Variants in ALG12 observed in about 807,000 individuals in gnomAD.
ALG12 encodes ALG12 alpha-1,6-mannosyltransferase, also known as dol-P-Man:Man(7)GlcNAc(2)-PP-Dol alpha-1,6-mannosyltransferase.
Under a neutral mutation model 46.0 loss-of-function variants are expected in ALG12, and 36 were observed. That is an observed-to-expected ratio of 0.78 (90% CI 0.60 to 1.03). The LOEUF is 1.03. ALG12 is among the 50% of genes least tolerant of loss of function. ALG12 has a pLI of 0.00. For synonymous variants in ALG12, 326 were observed against 291.6 expected (o/e 1.12, Z -1.20); for missense variants, 599 against 633.5 (o/e 0.95, Z 0.58).
chr22:49,900,869 C>G lies in ALG12; in HGVS notation c.*2969G>C, dbSNP rs2060501550. On this transcript the variant is annotated 3_prime_UTR_variant, in exon 10 of 10. Transcript: ENST00000330817. ...TCCCTAGCCTGTCCACAGAAAGGGC[C>G]TAAAGCTCAGGCACCCCGTGGCATC... 1 of 152,318 alleles carries G rather than the reference C, an allele frequency of 6.6e-6. No individual in the cohort carries two copies. Among genetic ancestry groups the G allele is most frequent in the South Asian group, 2.1e-4 (1 of 4,826 alleles). The allele number at this position is 152,318 out of a possible 1,614,324, so 9.4% of individuals were successfully genotyped here.
chr22:49,871,456 C>G, the ALG12 span, among the ~76,000 whole-genome samples: 1 of 151,984 alleles, frequency 6.6e-6, no homozygotes, highest in South Asian at 2.1e-4. Context: ...GCACTCCAGC[C>G]TGGGCGACAG....
chr22:49,893,757 A>C, the ALG12 span, among the ~76,000 whole-genome samples: 4 of 152,202 alleles, frequency 2.6e-5, no homozygotes, highest in African/African-American at 7.2e-5. Context: ...GCCTAAAACT[A>C]TCTCTTAGAG....
intron 5 of ALG12, among the ~76,000 whole-genome samples, chr22:49,909,624 G>A (rs1031483601): frequency 4.6e-5 from 7 of 152,148 alleles, no homozygotes; most frequent in East Asian, 1.9e-4. Context: ...CAGAACCACC[G>A]CCTGGCGCAG....
the ALG12 span, among the ~76,000 whole-genome samples, chr22:49,872,419 C>G: frequency 6.6e-6 from 1 of 152,346 alleles, no homozygotes; most frequent in South Asian, 2.1e-4. Context: ...GTCACTTCCT[C>G]CATTGAAGTC....
At chr22:49,885,961 T>C in the ALG12 span, 2 of 721,816 alleles carry the variant, frequency 2.8e-6, no homozygotes, top group Non-Finnish European at 5.0e-6. Flanking sequence ...CCACCACTGC[T>C]CGGCGCTGTT....
the ALG12 span, among the ~76,000 whole-genome samples, chr22:49,878,203 G>A: frequency 6.6e-6 from 1 of 151,810 alleles, no homozygotes; most frequent in Non-Finnish European, 1.5e-5. Flanking sequence ...TACTCAGGAG[G>A]CTGAGGCAGG....
At chr22:49,885,091 T>C in the ALG12 span, 1 of 1,613,666 alleles carries the variant, frequency 6.2e-7, no homozygotes, top group South Asian at 1.1e-5. Flanking sequence ...CAAGGCCGAG[T>C]GTCGGTACTG....
chr22:49,910,234 G>T lies in ALG12; in HGVS notation c.470-146C>A, dbSNP rs900311000. The T allele has an allele frequency of 4.2e-6, 5 of 1,188,440 alleles. No homozygotes were observed. The African/African-American group carries it at 4.6e-5, about 11-fold the overall frequency. 73.6% of individuals were successfully genotyped at this position (1,188,440 alleles called of 1,614,324 possible). A position where few individuals can be genotyped will look rare whatever the true frequency, so the allele number is the denominator to read the frequency against. ...AAGAAACTGCTCAGAGCCGCTCCCCGCACCTATGCTGTTGGCCAGGAAGTG... is the reference window on the plus strand; with the variant it reads ...AAGAAACTGCTCAGAGCCGCTCCCCTCACCTATGCTGTTGGCCAGGAAGTG... On this transcript the variant is annotated intron_variant, in intron 4 of 9. Coordinates refer to ENST00000330817, the MANE Select transcript of ALG12 (RefSeq NM_024105.4).
chr22:49,869,738 G>A, the ALG12 span, among the ~76,000 whole-genome samples: 3 of 152,242 alleles, frequency 2.0e-5, no homozygotes, highest in South Asian at 6.2e-4. Flanking sequence ...CCCAGCTTCA[G>A]AATTACCAGT....
chr22:49,885,085 G>A, the ALG12 span: 8 of 1,613,580 alleles, frequency 5.0e-6, no homozygotes, highest in South Asian at 6.6e-5. Context: ...CAGCCTCAAG[G>A]CCGAGTGTCG....
At chr22:49,904,111 C>T in intron 9 of ALG12, 45 bp from the exon 10 acceptor site, 1 of 1,614,026 alleles carries the variant, frequency 6.2e-7, no homozygotes, top group Non-Finnish European at 8.5e-7. Context: ...CCCCACATCG[C>T]CCTGTCCCCC....
rs562719619 is a variant in ALG12 at position 49,905,260 on chromosome 22, G to A, written c.993-754C>T. On this transcript the variant is annotated intron_variant, in intron 7 of 9. Coordinates refer to ENST00000330817, the MANE Select transcript of ALG12 (RefSeq NM_024105.4). This position sits in a 1 kb window ranked among gnomAD's most constrained non-coding sequence, Gnocchi z 4.9. ...GGCTCTTTATTAGCTGGTCCTTAAC[G>A]GAAAAGCTTGCCAACCCTGGTCTAA... Among the ~76,000 whole-genome samples, 15 of 152,274 alleles carry A rather than the reference G, an allele frequency of 9.9e-5. No individual in the cohort carries two copies. The highest frequency in any genetic ancestry group is 3.1e-4 in the African/African-American group (13 of 41,560).
At chr22:49,862,627 AG>A in the ALG12 span, among the ~76,000 whole-genome samples, 1 of 150,496 alleles carries the variant, frequency 6.6e-6, no homozygotes, top group East Asian at 1.9e-4. Flanking sequence ...CTGTTACAGC[AG>A]CTACTTCCTT....
chr22:49,901,340 C>A lies in ALG12; in HGVS notation c.*2498G>T, dbSNP rs6520066. 1 of 152,162 alleles carries A rather than the reference C, an allele frequency of 6.6e-6. No individual in the cohort carries two copies. The highest frequency in any genetic ancestry group is 1.5e-5 in the Non-Finnish European group (1 of 68,040). The allele number at this position is 152,162 out of a possible 1,614,324, so 9.4% of individuals were successfully genotyped here. A position where few individuals can be genotyped will look rare whatever the true frequency, so the allele number is the denominator to read the frequency against. Reference sequence around the variant, plus strand: ...AGTGTCTGCACAGATGTTCGCCAGACGCAATGGGAAAACCAGGAGGCATCA... The same window carrying A: ...AGTGTCTGCACAGATGTTCGCCAGAAGCAATGGGAAAACCAGGAGGCATCA... On this transcript the variant is annotated 3_prime_UTR_variant, in exon 10 of 10. Transcript: ENST00000330817.
At chr22:49,884,503 A>G in the ALG12 span, 1 of 1,614,114 alleles carries the variant, frequency 6.2e-7, no homozygotes, top group African/African-American at 1.3e-5. Context: ...TCCAAAGAGC[A>G]CCTCTGGGTC....
At chr22:49,892,060 C>T in the ALG12 span, among the ~76,000 whole-genome samples, 11 of 151,860 alleles carry the variant, frequency 7.2e-5, no homozygotes, top group Non-Finnish European at 1.3e-4. Flanking sequence ...TGGTGGTGGG[C>T]GTCTGTAGTC....
chr22:49,917,539 T>TG (rs1267553152), intron 1 of ALG12, among the ~76,000 whole-genome samples: 1 of 151,996 alleles, frequency 6.6e-6, no homozygotes, highest in African/African-American at 2.4e-5. Context: ...GACCTGGTGG[T>TG]GGGTGCCTGT....
At chr22:49,867,032 G>C in the ALG12 span, among the ~76,000 whole-genome samples, 1 of 152,144 alleles carries the variant, frequency 6.6e-6, no homozygotes, top group Non-Finnish European at 1.5e-5. Context: ...TTCTAACACA[G>C]GTATGTAGAG....
chr22:49,885,294 G>T, the ALG12 span: 1 of 1,591,668 alleles, frequency 6.3e-7, no homozygotes, highest in Admixed American at 1.8e-5. Context: ...TGCCAACAGT[G>T]GTCACAAAAA....
Sources: gnomAD v4.1 joint callset for allele counts (sites outside exome capture counted in the v4.1 genomes callset) on GRCh38, gnomAD v4.1.1 for gene constraint, Gnocchi (gnomAD v3.1) non-coding constraint, MANE v1.5 for transcripts, NCBI Gene and HGNC (gene_info 2026-07-23, HGNC 2026-07-21) for gene names.